DENND4A: variants seen among roughly 807,000 people sequenced by gnomAD.
DENND4A encodes the protein DENN domain containing 4A.
A neutral mutation model predicts 199.3 loss-of-function variants in DENND4A; 70 were observed. The ratio of observed to expected loss-of-function variants is 0.35; its 90% confidence interval spans 0.29 to 0.43. The LOEUF is 0.43. Among genes scored for constraint, DENND4A ranks in the 20% least tolerant of loss-of-function variants. DENND4A has a pLI of 1.00. For missense variants in DENND4A, 1,723 were observed against 2,255.8 expected, an observed-to-expected ratio of 0.76 and a Z score of 4.78; for synonymous variants, 686 against 766.9, an observed-to-expected ratio of 0.89 and a Z score of 1.74.
chr15:65,737,197 G>A (rs1041136549), intron 7 of DENND4A, among the ~76,000 whole-genome samples: 2 of 152,042 alleles, frequency 1.3e-5, no homozygotes, highest in Non-Finnish European at 1.5e-5. Context: ...TGAGCAGCTA[G>A]GACTACAGGC....
In DENND4A at chr15:65,691,520, CAAGTA is replaced by C. The variant is rs771233475; in HGVS notation, c.3083-14_3083-10del. The C allele has an allele frequency of 3.9e-6, 6 of 1,550,162 alleles. No individual in the cohort carries two copies. In the African/African-American group the frequency reaches 5.5e-5, roughly 14 times the overall value. On this transcript the variant is annotated splice_polypyrimidine_tract_variant and intron_variant, in intron 22 of 32. Transcript: ENST00000443035. ...CAGCTCAGGTGTGCTTTCTGAAAAA[CAAGTA>C]AAGTGCTTTTAGCCATGAAAATATA...
At chr15:65,770,275 C>T (rs1297885206) in intron 1 of DENND4A, among the ~76,000 whole-genome samples, 7 of 152,026 alleles carry the variant, frequency 4.6e-5, no homozygotes, top group Non-Finnish European at 7.4e-5. Flanking sequence ...AAATGATCAC[C>T]AAGAAACTGC....
intron 24 of DENND4A, among the ~76,000 whole-genome samples, chr15:65,675,891 C>T (rs1301641487): frequency 6.6e-6 from 1 of 151,908 alleles, no homozygotes; most frequent in Admixed American, 6.6e-5. Flanking sequence ...AACATATATG[C>T]ATTATAGCAT....
At chr15:65,673,775 T>C (rs1371655238) in intron 24 of DENND4A, among the ~76,000 whole-genome samples, 1 of 152,188 alleles carries the variant, frequency 6.6e-6, no homozygotes, top group Non-Finnish European at 1.5e-5. Flanking sequence ...CTTCCCTTGA[T>C]GCTTCTTCCC....
chr15:65,725,746 T>C (rs2075787997), intron 11 of DENND4A, among the ~76,000 whole-genome samples: 2 of 152,050 alleles, frequency 1.3e-5, no homozygotes, highest in Non-Finnish European at 2.9e-5. Flanking sequence ...ATGAGATAAC[T>C]TAGGCTACAC....
chr15:65,673,285 T>G (rs2076272999), intron 24 of DENND4A, among the ~76,000 whole-genome samples: 1 of 151,664 alleles, frequency 6.6e-6, no homozygotes, highest in Non-Finnish European at 1.5e-5. Flanking sequence ...CTGGGCAAAA[T>G]GGTGAAAACC....
intron 29 of DENND4A, among the ~76,000 whole-genome samples, chr15:65,667,041 T>G (rs2076063075): frequency 6.6e-6 from 1 of 152,108 alleles, no homozygotes. Context: ...ATTAAAAATA[T>G]TTAGCATAGG....
At chr15:65,693,907 T>G (rs1201565751) in intron 22 of DENND4A, among the ~76,000 whole-genome samples, 1 of 152,048 alleles carries the variant, frequency 6.6e-6, no homozygotes, top group Non-Finnish European at 1.5e-5. Flanking sequence ...ACCTGACATA[T>G]AGTAGAATCT....
chr15:65,738,401 T>G (rs2076169473), intron 6 of DENND4A, among the ~76,000 whole-genome samples: 1 of 152,084 alleles, frequency 6.6e-6, no homozygotes, highest in Non-Finnish European at 1.5e-5. Context: ...TCTATAATTC[T>G]AAATTGCATT....
intron 1 of DENND4A, among the ~76,000 whole-genome samples, chr15:65,778,341 A>G (rs2077338272): frequency 6.6e-6 from 1 of 151,986 alleles, no homozygotes; most frequent in African/African-American, 2.4e-5. Context: ...CTTATCTAAC[A>G]AGCCAAAGTA....
chr15:65,715,396 C>G lies in DENND4A; in HGVS notation c.1953+82G>C, dbSNP rs1024353750. 3 of 1,288,298 alleles carry G rather than the reference C, an allele frequency of 2.3e-6. No individual in the cohort carries two copies. In the African/African-American group the frequency reaches 4.6e-5, roughly 20 times the overall value. The allele number at this position is 1,288,298 out of a possible 1,614,324, so 79.8% of individuals were successfully genotyped here. On this transcript the variant is annotated intron_variant, in intron 14 of 32. Transcript: ENST00000443035. ...AAATTAATTTCAATTTCATTAAAAG[C>G]TGTACATAGAAACTATAACTCATAA...
Position 65,718,760 on chromosome 15 carries a change from CTTTTTTTTTTTTTT to C in DENND4A, c.1589-778_1589-765del, listed in dbSNP as rs1038227560. Among the ~76,000 whole-genome samples, 62 of 67,768 alleles carry C rather than the reference CTTTTTTTTTTTTTT, an allele frequency of 9.1e-4. 1 individual carries two copies. Among genetic ancestry groups the C allele is most frequent in the Non-Finnish European group, 5.6e-4 (19 of 33,886 alleles). The allele number at this position is 67,768 out of a possible 152,430, so 44.5% of individuals were successfully genotyped here. A position where few individuals can be genotyped will look rare whatever the true frequency, so the allele number is the denominator to read the frequency against. On this transcript the variant is annotated intron_variant, in intron 12 of 32. Coordinates refer to ENST00000443035, the MANE Select transcript of DENND4A (RefSeq NM_001320835.1). ...TCAAAAGTTTTGCATGTTTTTTTTC[CTTTTTTTTTTTTTT>C]TTTTTTTTTTTTTTTGGTTTTTTGA...
At chr15:65,743,394 A>G (rs548550195) in intron 4 of DENND4A, among the ~76,000 whole-genome samples, 1 of 152,128 alleles carries the variant, frequency 6.6e-6, no homozygotes, top group Non-Finnish European at 1.5e-5. Context: ...ACTGTTCCCT[A>G]TATTTCAAAC....
chr15:65,690,667 A>C lies in DENND4A; in HGVS notation c.3927T>G (p.Ser1309=), dbSNP rs1375646644. The part of the protein sequence containing the change: ...NSPKPVRLTK[S]KSYTKSEEKP... ...TCTCCTCACTTTTTGTGTAACTTTT[A>C]GATTTGGTAAGTCTCACTGGCTTAG... is the stretch of plus-strand genomic sequence containing the variant. The change falls in exon 23 of 33, where the codon TCT becomes TCG. Residue 1309 remains serine (S), a synonymous_variant. Coordinates refer to ENST00000443035, the MANE Select transcript of DENND4A (RefSeq NM_001320835.1). 6.2e-7 allele frequency: 1 copy of C among 1,613,702 alleles called. No individual in the cohort carries two copies.
intron 5 of DENND4A, among the ~76,000 whole-genome samples, chr15:65,739,697 T>A (rs181935127): frequency 6.6e-6 from 1 of 152,326 alleles, no homozygotes; most frequent in Non-Finnish European, 1.5e-5. Flanking sequence ...ACAAATGACA[T>A]ACTACAGGAG....
chr15:65,775,160 A>C lies in DENND4A; in HGVS notation c.-101-13722T>G, dbSNP rs139617009. Among the ~76,000 whole-genome samples the C allele has an allele frequency of 2.0e-4, 30 of 152,178 alleles. No homozygotes were observed. The East Asian group carries it at 5.6e-3, about 28-fold the overall frequency. Reference sequence around the variant, plus strand: ...CTAACAAACCAACCACTATTAGAAAAATTTGAGACCCCATCTCTACAAAAA... The same window carrying C: ...CTAACAAACCAACCACTATTAGAAACATTTGAGACCCCATCTCTACAAAAA... On this transcript the variant is annotated intron_variant, in intron 1 of 32. Coordinates refer to ENST00000443035, the MANE Select transcript of DENND4A (RefSeq NM_001320835.1).
intron 29 of DENND4A, among the ~76,000 whole-genome samples, chr15:65,666,713 A>C (rs2076048651): frequency 6.6e-6 from 1 of 150,394 alleles, no homozygotes; most frequent in East Asian, 2.0e-4. Context: ...CAGGGGTTAG[A>C]GGTCACAGTG....
At chr15:65,746,352 C>T (rs1411870075) in intron 4 of DENND4A, among the ~76,000 whole-genome samples, 1 of 123,096 alleles carries the variant, frequency 8.1e-6, no homozygotes, top group Non-Finnish European at 1.7e-5. Flanking sequence ...CCCTTGTTAA[C>T]AATTCTACTT....
Position 65,729,046 on chromosome 15 carries a change from A to G in DENND4A, c.1487+26T>C, listed in dbSNP as rs376713090. On this transcript the variant is annotated intron_variant, in intron 11 of 32. Transcript: ENST00000443035. ...TATGCTACAAAGTTGTAAAATATAC[A>G]TGTAGAATCACTAAAATGTACTTAC... 1.0e-4 allele frequency: 162 copies of G among 1,552,158 alleles called. 1 individual carries two copies. The highest frequency in any genetic ancestry group is 1.3e-4 in the Non-Finnish European group (154 of 1,143,694).
Sources: gnomAD v4.1 joint callset for allele counts (sites outside exome capture counted in the v4.1 genomes callset) on GRCh38, gnomAD v4.1.1 for gene constraint, MANE v1.5 for transcripts, NCBI Gene and HGNC (gene_info 2026-07-23, HGNC 2026-07-21) for gene names.